The following FANCG variants were observed in gnomAD, a reference collection of about 807,000 sequenced individuals.
FANCG encodes Fanconi anemia group G protein.
A neutral mutation model predicts 73.3 loss-of-function variants in FANCG; 67 were observed. The observed-to-expected ratio is 0.91, with a 90% CI of 0.75 to 1.12. FANCG has a LOEUF of 1.12. FANCG is among the 50% of genes most tolerant of loss of function. FANCG has a pLI of 0.00. For missense variants in FANCG, 643 were observed against 735.6 expected, an observed-to-expected ratio of 0.87 and a Z score of 1.46; for synonymous variants, 297 against 311.6, an observed-to-expected ratio of 0.95 and a Z score of 0.49.
At chr9:35,077,652 G>A (rs959268135) in intron 4 of FANCG, among the ~76,000 whole-genome samples, 4 of 151,958 alleles carry the variant, frequency 2.6e-5, no homozygotes, top group African/African-American at 9.7e-5. Context: ...CTATTCCAGC[G>A]TGCCTCCTCA....
chr9:35,076,324 G>T (rs746338036), intron 8 of FANCG, 108 bp downstream of exon 8: 51 of 1,347,630 alleles, frequency 3.8e-5, no homozygotes, highest in Non-Finnish European at 5.3e-5. Flanking sequence ...CCTATGTCCT[G>T]CCACTGCCTC....
intron 3 of FANCG, 79 bp from the exon 4 acceptor site, chr9:35,078,422 C>T: frequency 2.6e-6 from 4 of 1,544,060 alleles, no homozygotes; most frequent in Non-Finnish European, 3.6e-6. Context: ...CACACTCTGG[C>T]TTTCCTCTCC....
chr9:35,074,290 G>A, intron 13 of FANCG, 74 bp from the exon 14 acceptor site: 1 of 1,612,998 alleles, frequency 6.2e-7, no homozygotes, highest in Non-Finnish European at 8.5e-7. Flanking sequence ...CCCGCTTTCA[G>A]TGTTCACCAC....
Position 35,078,250 on chromosome 9 carries a change from T to G in FANCG, c.401A>C (p.Glu134Ala). Residue 134 changes from glutamate (E) to alanine (A), a missense_variant, in exon 4 of 14, where the codon GAG becomes GCG. Glu to Ala is a moderately radical substitution (Grantham distance 107). Coordinates refer to ENST00000378643, the MANE Select transcript of FANCG (RefSeq NM_004629.2). ...CAGGCGGTGCAGGGCAGACAGCAGC[T>G]CCGGCAGAAGGCAGGAAGCACGAAG... ...SVLRASCLLPELLSALHRLVG... is the reference protein window; with the variant it reads ...SVLRASCLLPALLSALHRLVG... 6.2e-7 allele frequency: 1 copy of G among 1,614,104 alleles called. No individual in the cohort carries two copies. The highest frequency in any genetic ancestry group is 8.5e-7 in the Non-Finnish European group (1 of 1,180,024).
rs2131059807 is a variant in FANCG at position 35,079,190 on chromosome 9, C to T, written c.136G>A (p.Ala46Thr). The change falls in exon 2 of 14, where the codon GCA (alanine) becomes ACA (threonine). Residue 46 changes from alanine (A) to threonine (T), a missense_variant. Physicochemically the swap from Ala to Thr is moderately conservative, Grantham distance 58. Transcript: ENST00000378643. ...AGGAGCCCTCTGAGCCCTTCCAGTG[C>T]ATCCTGAGCCAACTGCTGTCGCCTC... ...TLRRQQLAQD[A>T]LEGLRGLLHS... 1 of 1,608,608 alleles carries T rather than the reference C, an allele frequency of 6.2e-7. No individual in the cohort carries two copies. Among genetic ancestry groups the T allele is most frequent in the Non-Finnish European group, 8.5e-7 (1 of 1,177,662 alleles).
intron 8 of FANCG, 105 bp from the exon 9 acceptor site, chr9:35,076,133 T>C: frequency 8.2e-7 from 1 of 1,213,012 alleles, no homozygotes; most frequent in Non-Finnish European, 1.2e-6. Flanking sequence ...TCATGGGCCC[T>C]GAGGAGGAGA....
intron 2 of FANCG, 37 bp from the exon 3 acceptor site, chr9:35,078,773 C>A (rs1345793643): frequency 6.2e-7 from 1 of 1,613,650 alleles, no homozygotes; most frequent in South Asian, 1.1e-5. Context: ...ACTGCTCCCC[C>A]ATGGAAGATC....
rs746680732 is a variant in FANCG at position 35,078,171 on chromosome 9, G to A, written c.480C>T (p.Ala160=). ...WLSADRLGDL[A]LLLETLNGSQ... is the part of the protein sequence containing the mutation. The stretch of plus-strand genomic sequence containing the variant: ...TGCCATTCAGGGTCTCTAGTAACAA[G>A]GCCAGGTCCCCAAGACGGTCAGCAC... The change falls in exon 4 of 14, where the codon GCC becomes GCT. Residue 160 remains alanine, a synonymous_variant. Coordinates refer to ENST00000378643, the MANE Select transcript of FANCG (RefSeq NM_004629.2). The A allele has an allele frequency of 1.9e-6, 3 of 1,614,152 alleles. No individual in the cohort carries two copies. The highest frequency in any genetic ancestry group is 2.5e-6 in the Non-Finnish European group (3 of 1,180,034).
Position 35,077,383 on chromosome 9 carries a change from T to A in FANCG, c.527A>T (p.Asp176Val). ...CCAAGTTTTCAGAAGTAACAGCAGA[T>A]CCTTAGAGGCTCCACTCTGGGGAAA... Reference protein sequence around the residue: ...LNGSQSGASKDLLLLLKTWSP... With the variant: ...LNGSQSGASKVLLLLLKTWSP... The change falls in exon 5 of 14, where the codon GAT becomes GTT. Residue 176 changes from aspartate to valine, a missense_variant. By Grantham distance (152) the Asp-to-Val change is radical. Coordinates refer to ENST00000378643, the MANE Select transcript of FANCG (RefSeq NM_004629.2). 1 of 1,614,030 alleles carries A rather than the reference T, an allele frequency of 6.2e-7. No homozygotes were observed. The highest frequency in any genetic ancestry group is 8.5e-7 in the Non-Finnish European group (1 of 1,180,008).
chr9:35,075,063 C>T lies in FANCG; in HGVS notation c.1500G>A (p.Glu500=), dbSNP rs1045640267. 6.2e-7 allele frequency: 1 copy of T among 1,614,174 alleles called. No homozygotes were observed. The highest frequency in any genetic ancestry group is 8.5e-7 in the Non-Finnish European group (1 of 1,180,038). The change falls in exon 12 of 14, where the codon GAG becomes GAA. Residue 500 remains glutamate, a synonymous_variant. Coordinates refer to ENST00000378643, the MANE Select transcript of FANCG (RefSeq NM_004629.2). ...GTGCCGCATCTGACTTACATCCCTG[C>T]TCACAGTTGAAAGCTGCCCCTGGGG... is the stretch of plus-strand genomic sequence containing the variant. The part of the protein sequence containing the change: ...EKEQGAAFNC[E]QGCKSDAALQ...
intron 12 of FANCG, 61 bp downstream of exon 12, chr9:35,074,866 C>T: frequency 6.3e-7 from 1 of 1,596,614 alleles, no homozygotes; most frequent in African/African-American, 1.3e-5. Context: ...CCAAGTATTT[C>T]CCATGGGCCT....
chr9:35,073,916 G>C lies in FANCG; in HGVS notation c.*192C>G. ...CCTCGAGCAAAGTCAATGACTTGGT[G>C]GTGGCAGAGATTGTTTCCTCCAAAA... On this transcript the variant is annotated 3_prime_UTR_variant, in exon 14 of 14. Coordinates refer to ENST00000378643, the MANE Select transcript of FANCG (RefSeq NM_004629.2). 2 of 664,680 alleles carry C rather than the reference G, an allele frequency of 3.0e-6. No homozygotes were observed. The highest frequency in any genetic ancestry group is 1.6e-5 in the South Asian group (1 of 63,822). The allele number at this position is 664,680 out of a possible 1,614,324, so 41.2% of individuals were successfully genotyped here.
At chr9:35,077,484 G>A in intron 4 of FANCG, 85 bp from the exon 5 acceptor site, 1 of 1,563,714 alleles carries the variant, frequency 6.4e-7, no homozygotes, top group East Asian at 2.2e-5. Flanking sequence ...TAGACCTTGA[G>A]CTCAAGGGTC....
rs762761491 is a variant in FANCG at position 35,074,411 on chromosome 9, G to C, written c.1720C>G (p.Leu574Val). The C allele has an allele frequency of 6.2e-7, 1 of 1,614,172 alleles. No individual in the cohort carries two copies. The highest frequency in any genetic ancestry group is 1.3e-5 in the African/African-American group (1 of 75,052). ...RDEATALWWR[L>V]EAQTKGSHED... ...TGTGACCCCTTAGTTTGGGCCTCCA[G>C]CCTCCACCAGAGTGCAGTGGCCTCA... is the stretch of plus-strand genomic sequence containing the variant. The change falls in exon 13 of 14, where the codon CTG (leucine) becomes GTG (valine). Residue 574 changes from leucine to valine, a missense_variant. Coordinates refer to ENST00000378643, the MANE Select transcript of FANCG (RefSeq NM_004629.2).
chr9:35,079,041 A>C (rs1209714987), intron 2 of FANCG, 110 bp downstream of exon 2: 1 of 959,636 alleles, frequency 1.0e-6, no homozygotes, highest in East Asian at 2.6e-5. Flanking sequence ...TCTGTGCCTT[A>C]AACAGGACTC....
chr9:35,075,445 C>A lies in FANCG; in HGVS notation c.1433+20G>T, dbSNP rs1346055944. On this transcript the variant is annotated intron_variant, in intron 10 of 13. Coordinates refer to ENST00000378643, the MANE Select transcript of FANCG (RefSeq NM_004629.2). ...TCAGAAAATCATCCCTCCACACCCC[C>A]TCTAGGACCCCGGGCTCACCTGCTA... The A allele has an allele frequency of 1.9e-6, 3 of 1,613,974 alleles. No individual in the cohort carries two copies. The highest frequency in any genetic ancestry group is 2.2e-5 in the East Asian group (1 of 44,882).
At position 35,077,347 on chromosome 9, in the gene FANCG, G is replaced by A; in HGVS notation, c.563C>T (p.Ala188Val). 1 of 1,614,170 alleles carries A rather than the reference G, an allele frequency of 6.2e-7. No homozygotes were observed. The highest frequency in any genetic ancestry group is 8.5e-7 in the Non-Finnish European group (1 of 1,180,030). Residue 188 changes from alanine (A) to valine (V), a missense_variant, in exon 5 of 14, where the codon GCT becomes GTT. Coordinates refer to ENST00000378643, the MANE Select transcript of FANCG (RefSeq NM_004629.2). Reference protein sequence around the residue: ...LLLLKTWSPPAEELDAPLTLQ... With the variant: ...LLLLKTWSPPVEELDAPLTLQ... ...GGTCAATGGAGCATCTAATTCCTCA[G>A]CTGGGGGACTCCAAGTTTTCAGAAG...
At chr9:35,074,342 AG>A in intron 13 of FANCG, 28 bp downstream of exon 13, 1 of 1,614,156 alleles carries the variant, frequency 6.2e-7, no homozygotes, top group Non-Finnish European at 8.5e-7. Context: ...ACTGCCCCTC[AG>A]CCCCAAGCCA....
chr9:35,076,471 G>T lies in FANCG; in HGVS notation c.1037C>A (p.Thr346Asn). The T allele has an allele frequency of 6.2e-7, 1 of 1,614,172 alleles. No homozygotes were observed. Among genetic ancestry groups the T allele is most frequent in the Non-Finnish European group, 8.5e-7 (1 of 1,180,030 alleles). ...GCACCTGCTTGCTAGTATGTGCTTG[G>T]TCTGGCTCTGAGTGCCACAATGAAG... ...SPLHCGTQSQTKHILASRCLQ... is the reference protein window; with the variant it reads ...SPLHCGTQSQNKHILASRCLQ... The change falls in exon 8 of 14, where the codon ACC becomes AAC. Residue 346 changes from threonine (T) to asparagine (N), a missense_variant. Coordinates refer to ENST00000378643, the MANE Select transcript of FANCG (RefSeq NM_004629.2).
Sources: allele counts gnomAD v4.1 joint callset (sites outside exome capture counted in the v4.1 genomes callset), GRCh38; gene constraint gnomAD v4.1.1; transcripts MANE v1.5; gene names NCBI Gene and HGNC (gene_info 2026-07-23, HGNC 2026-07-21).